The following TTLL8 variants were observed in gnomAD, a reference collection of about 807,000 sequenced individuals.
TTLL8 encodes the protein protein monoglycylase TTLL8.
Under a neutral mutation model 77.8 loss-of-function variants are expected in TTLL8, and 65 were observed. The observed-to-expected ratio is 0.84, with a 90% CI of 0.68 to 1.03. The LOEUF (loss-of-function observed/expected upper bound fraction) is 1.03. Among genes scored for constraint, TTLL8 ranks in the 50% least tolerant of loss-of-function variants. The pLI is 0.00. For missense variants in TTLL8, 910 were observed against 1,004.5 expected, an observed-to-expected ratio of 0.91 and a Z score of 1.27; for synonymous variants, 402 against 422.8, an observed-to-expected ratio of 0.95 and a Z score of 0.60.
At chr22:50,053,426 A>G (rs2061454735) in intron 1 of TTLL8, among the ~76,000 whole-genome samples, 1 of 152,234 alleles carries the variant, frequency 6.6e-6, no homozygotes, top group Non-Finnish European at 1.5e-5. Context: ...ACTTTTAAGT[A>G]ACATGAACTG....
chr22:50,019,714 C>A (rs950465056), intron 12 of TTLL8, among the ~76,000 whole-genome samples: 4 of 152,308 alleles, frequency 2.6e-5, no homozygotes, highest in Admixed American at 1.3e-4. Context: ...TGAAGCAGCA[C>A]CATGCCGAGG....
Position 50,030,630 on chromosome 22 carries a change from CGGGT to C in TTLL8, c.1999_2002del (p.Thr667AlafsTer29), listed in dbSNP as rs755686097. 1.8e-5 allele frequency: 23 copies of C among 1,291,110 alleles called. No individual in the cohort carries two copies. In the Admixed American group the frequency reaches 5.4e-4, roughly 31 times the overall value. The allele number at this position is 1,291,110 out of a possible 1,614,324, so 80.0% of individuals were successfully genotyped here. A position where few individuals can be genotyped will look rare whatever the true frequency, so the allele number is the denominator to read the frequency against. On this transcript the variant is annotated frameshift_variant, in exon 12 of 14. Transcript: ENST00000266182. LOFTEE classifies it high-confidence loss of function. ...CTCCACCTTCCCAGCAGCTTTGGTG[CGGGT>C]GGGCTGTGCGGCTCCACCGCTCTCG...
chr22:50,048,886 G>C (rs137909), intron 3 of TTLL8, among the ~76,000 whole-genome samples: 130,845 of 151,740 alleles, frequency 0.86, 56,701 homozygotes, highest in South Asian at 0.96. Flanking sequence ...GCTGGAGACA[G>C]GAGCTCACTC....
At chr22:50,028,561 C>T (rs548449356) in intron 12 of TTLL8, among the ~76,000 whole-genome samples, 2 of 151,972 alleles carry the variant, frequency 1.3e-5, no homozygotes, top group Non-Finnish European at 2.9e-5. Context: ...GCAACACCTG[C>T]GTGCCGTCAT....
intron 12 of TTLL8, among the ~76,000 whole-genome samples, chr22:50,023,558 G>A (rs550416959): frequency 6.6e-5 from 10 of 152,096 alleles, no homozygotes; most frequent in African/African-American, 1.7e-4. Flanking sequence ...GGTAGTGTGC[G>A]CCTGTCATCC....
intron 12 of TTLL8, among the ~76,000 whole-genome samples, chr22:50,020,862 C>CGACGTGCACTCCTCCATCT (rs545422930): frequency 2.3e-5 from 3 of 132,482 alleles, no homozygotes; most frequent in African/African-American, 5.7e-5. Context: ...CTACATCTGA[C>CGACGTGCACTCCTCCATCT]GACGTGCACT....
chr22:50,023,595 T>G (rs1364768836), intron 12 of TTLL8, among the ~76,000 whole-genome samples: 5 of 151,626 alleles, frequency 3.3e-5, no homozygotes, highest in Admixed American at 2.6e-4. Flanking sequence ...TGAGGCAGGA[T>G]AATCGCTTGA....
upstream of TTLL8, among the ~76,000 whole-genome samples, chr22:50,056,255 G>A (rs575699924): frequency 1.2e-4 from 19 of 152,222 alleles, no homozygotes; most frequent in African/African-American, 4.6e-4. This position sits in a 1 kb window ranked among gnomAD's most constrained non-coding sequence, Gnocchi z 4.1. Flanking sequence ...CTGCAGTCCC[G>A]GAACCGCACT....
chr22:50,050,038 C>T (rs921450433), intron 2 of TTLL8, 71 bp downstream of exon 4: 43 of 1,317,612 alleles, frequency 3.3e-5, no homozygotes, highest in Non-Finnish European at 3.9e-5. Flanking sequence ...ACACTCAGGC[C>T]GGCGCCGACT....
Position 50,047,149 on chromosome 22 carries a change from T to C in TTLL8, c.393+19A>G, listed in dbSNP as rs1465738802. ...CCACCCTTGCCGGCTCCCGCCACGC[T>C]CAAGCGCGGCCGGCTCACCTTGGTG... is the stretch of plus-strand genomic sequence containing the variant. On this transcript the variant is annotated intron_variant, in intron 4 of 13. Coordinates refer to ENST00000266182, the Ensembl canonical transcript of TTLL8. 2 of 1,366,750 alleles carry C rather than the reference T, an allele frequency of 1.5e-6. No homozygotes were observed. Among genetic ancestry groups the C allele is most frequent in the African/African-American group, 3.0e-5 (2 of 67,710 alleles). The allele number at this position is 1,366,750 out of a possible 1,614,324, so 84.7% of individuals were successfully genotyped here.
At chr22:50,030,585 C>A in exon 12 of TTLL8, 1 of 1,301,530 alleles carries the variant, frequency 7.7e-7, no homozygotes, top group Non-Finnish European at 1.0e-6. Context: ...GTCCACGTGG[C>A]GACAGGGGCA....
At chr22:50,057,017 G>C (rs570903281), upstream of TTLL8, 2 of 1,251,680 alleles carry the variant, frequency 1.6e-6, no homozygotes, top group Admixed American at 2.3e-5. Flanking sequence ...GGGAGGGTGT[G>C]GGGGGCTCTG....
At chr22:50,056,047 G>A (rs2061469214), upstream of TTLL8, among the ~76,000 whole-genome samples, 1 of 152,134 alleles carries the variant, frequency 6.6e-6, no homozygotes, top group African/African-American at 2.4e-5. This position sits in a 1 kb window ranked among gnomAD's most constrained non-coding sequence, Gnocchi z 4.1. Flanking sequence ...GTGACCTCCG[G>A]TCGTCCTCAC....
intron 12 of TTLL8, among the ~76,000 whole-genome samples, chr22:50,029,603 C>T (rs1006909513): frequency 5.9e-4 from 90 of 151,966 alleles, no homozygotes; most frequent in East Asian, 3.5e-3. Context: ...CGGTGGCGGG[C>T]GCCTGTGGTC....
chr22:50,021,511 C>T (rs1438788401), intron 12 of TTLL8, among the ~76,000 whole-genome samples: 10 of 134,692 alleles, frequency 7.4e-5, no homozygotes, highest in Non-Finnish European at 1.1e-4. Context: ...TGATGACGTG[C>T]ACTCCTCCAT....
intron 12 of TTLL8, among the ~76,000 whole-genome samples, chr22:50,024,712 G>C (rs2061222081): frequency 6.6e-6 from 1 of 152,200 alleles, no homozygotes; most frequent in Non-Finnish European, 1.5e-5. Context: ...AAGGTTGGGA[G>C]TTTTCTTAGA....
At chr22:50,053,973 G>A (rs916802649) in intron 1 of TTLL8, among the ~76,000 whole-genome samples, 19 of 150,312 alleles carry the variant, frequency 1.3e-4, no homozygotes, top group Middle Eastern at 6.9e-3. Context: ...GGGTGTGTCC[G>A]GCCTTAACAT....
At chr22:50,026,085 G>C (rs2061228338) in intron 12 of TTLL8, among the ~76,000 whole-genome samples, 1 of 152,224 alleles carries the variant, frequency 6.6e-6, no homozygotes, top group Admixed American at 6.5e-5. Flanking sequence ...AGGATGATCA[G>C]AGCAACTTCA....
rs764733560 is a variant in TTLL8 at position 50,033,226 on chromosome 22, C to T, written c.1259G>A (p.Arg420His). ...CCTGTCCAGCTTGTCCAGGGAGAAGCGCTGAGTTGAGAACCGCAAGTAACT... is the reference window on the plus strand; with the variant it reads ...CCTGTCCAGCTTGTCCAGGGAGAAGTGCTGAGTTGAGAACCGCAAGTAACT... Residue 420 changes from arginine to histidine, a missense_variant, in exon 10 of 14, where the codon CGC (arginine) becomes CAC (histidine). By Grantham distance (29) the Arg-to-His change is conservative. Coordinates refer to ENST00000266182, the Ensembl canonical transcript of TTLL8. 31 of 1,354,148 alleles carry T rather than the reference C, an allele frequency of 2.3e-5. No homozygotes were observed. In the South Asian group the frequency reaches 2.6e-4, roughly 11 times the overall value. The allele number at this position is 1,354,148 out of a possible 1,614,324, so 83.9% of individuals were successfully genotyped here.
Sources: gnomAD v4.1 joint callset for allele counts (sites outside exome capture counted in the v4.1 genomes callset) on GRCh38, gnomAD v4.1.1 for gene constraint, Gnocchi (gnomAD v3.1) non-coding constraint, MANE v1.5 for transcripts, NCBI Gene and HGNC (gene_info 2026-07-23, HGNC 2026-07-21) for gene names.